The following IL7 variants were observed in gnomAD, a reference collection of about 807,000 sequenced individuals.
The protein encoded by IL7 is interleukin 7, also known as interleukin-7.
In IL7, 3 loss-of-function variants were observed where a neutral mutation model predicts 21.6. The observed-to-expected ratio is 0.14, with a 90% CI of 0.06 to 0.36. IL7 has a LOEUF of 0.36. Ranked by LOEUF, IL7 falls within the 10% of genes least tolerant of loss-of-function variation. The pLI is 1.00. For synonymous variants in IL7, 62 were observed against 68.1 expected (o/e 0.91, Z 0.44); for missense variants, 175 against 200.2 (o/e 0.87, Z 0.76).
downstream of IL7, among the ~76,000 whole-genome samples, chr8:78,675,459 G>A (rs1176755531): frequency 6.6e-6 from 1 of 151,768 alleles, no homozygotes; most frequent in African/African-American, 2.4e-5. Flanking sequence ...TTAAAATGTA[G>A]TAATTTACCA....
intron 4 of IL7, among the ~76,000 whole-genome samples, chr8:78,736,759 G>A (rs1031659309): frequency 1.3e-5 from 2 of 152,124 alleles, no homozygotes; most frequent in South Asian, 4.1e-4. Flanking sequence ...CCATAATTTT[G>A]TAGGTCTGCC....
intron 2 of IL7, among the ~76,000 whole-genome samples, chr8:78,740,673 G>C (rs1307195152): frequency 6.6e-6 from 1 of 152,164 alleles, no homozygotes; most frequent in Non-Finnish European, 1.5e-5. Context: ...TAATTAATTG[G>C]ATGTGCAAGG....
At chr8:78,680,480 T>C (rs1441197285) in intron 4 of IL7, among the ~76,000 whole-genome samples, 1 of 152,064 alleles carries the variant, frequency 6.6e-6, no homozygotes, top group African/African-American at 2.4e-5. Flanking sequence ...AGAACATCCT[T>C]GGGTGAGTCG....
At chr8:78,772,853 AAG>A (rs1813004595) in intron 2 of IL7, among the ~76,000 whole-genome samples, 1 of 152,148 alleles carries the variant, frequency 6.6e-6, no homozygotes, top group African/African-American at 2.4e-5. Flanking sequence ...GGATTAAGTC[AAG>A]AAATAAGTGT....
chr8:78,760,276 T>G (rs201611883), intron 2 of IL7: 4 of 1,606,700 alleles, frequency 2.5e-6, no homozygotes, highest in Non-Finnish European at 3.4e-6. Context: ...GCCAAGTTAC[T>G]TGACCTTTGG....
chr8:78,738,161 T>C (rs901048134), intron 4 of IL7, among the ~76,000 whole-genome samples: 1 of 152,174 alleles, frequency 6.6e-6, no homozygotes, highest in African/African-American at 2.4e-5. Flanking sequence ...CTTGTAAATG[T>C]GTACATATAT....
chr8:78,696,464 C>T (rs375136607), intron 3 of IL7, among the ~76,000 whole-genome samples: 1 of 152,166 alleles, frequency 6.6e-6, no homozygotes, highest in African/African-American at 2.4e-5. Flanking sequence ...AATTCCTGCT[C>T]TGCTGTGAAG....
chr8:78,738,428 G>A (rs929551186), intron 4 of IL7, 76 bp downstream of exon 4: 2 of 1,182,488 alleles, frequency 1.7e-6, no homozygotes, highest in Non-Finnish European at 2.4e-6. Flanking sequence ...TAATGGATGT[G>A]ATCATCAGAG....
intron 2 of IL7, among the ~76,000 whole-genome samples, chr8:78,782,045 T>A (rs1335853218): frequency 6.6e-6 from 1 of 152,228 alleles, no homozygotes; most frequent in Non-Finnish European, 1.5e-5. Flanking sequence ...AGTTCTTGTG[T>A]TGTATTTTTC....
At chr8:78,685,726 T>C (rs1809947246) in intron 4 of IL7, among the ~76,000 whole-genome samples, 2 of 152,184 alleles carry the variant, frequency 1.3e-5, no homozygotes, top group Non-Finnish European at 2.9e-5. Context: ...TGAGGACTAT[T>C]TTTCATATTT....
downstream of IL7, among the ~76,000 whole-genome samples, chr8:78,731,365 A>G (rs1012735618): frequency 6.6e-6 from 1 of 151,938 alleles, no homozygotes; most frequent in African/African-American, 2.4e-5. Flanking sequence ...GGGATTTTTA[A>G]TGTAAAAATG....
chr8:78,749,147 T>C (rs764654642), intron 2 of IL7, among the ~76,000 whole-genome samples: 2 of 152,134 alleles, frequency 1.3e-5, no homozygotes, highest in Non-Finnish European at 2.9e-5. Context: ...CAGAGAACAA[T>C]GAAGACTCCA....
At chr8:78,804,841 C>G in intron 1 of IL7, 72 bp downstream of exon 1, 1 of 1,577,438 alleles carries the variant, frequency 6.3e-7, no homozygotes, top group Non-Finnish European at 8.7e-7. Flanking sequence ...GGAGCAGGGG[C>G]CCCCAGCGCG....
intron 2 of IL7, among the ~76,000 whole-genome samples, chr8:78,741,332 A>G (rs1256411653): frequency 1.3e-5 from 2 of 152,198 alleles, no homozygotes; most frequent in Non-Finnish European, 2.9e-5. Flanking sequence ...TTTAGTGGAT[A>G]ATTAATATTT....
At chr8:78,803,991 G>T (rs1017068885) in intron 1 of IL7, among the ~76,000 whole-genome samples, 2 of 152,088 alleles carry the variant, frequency 1.3e-5, no homozygotes, top group Admixed American at 1.3e-4. Context: ...CTGTCTTCTT[G>T]CTTGAGGAAG....
At chr8:78,737,850 T>C (rs1240802425) in intron 4 of IL7, among the ~76,000 whole-genome samples, 1 of 152,168 alleles carries the variant, frequency 6.6e-6, no homozygotes, top group Non-Finnish European at 1.5e-5. Flanking sequence ...TTGAAAACTT[T>C]TTAGTACTAA....
Position 78,774,753 on chromosome 8 carries a change from A to G in IL7, c.147+23319T>C, listed in dbSNP as rs375662945. On this transcript the variant is annotated intron_variant, in intron 2 of 5. Transcript: ENST00000263851. ...ACATTAGGACATAAAGAACAAACAA[A>G]GAATAAAAATGACTATATTCTTAAA... Among the ~76,000 whole-genome samples, 12 of 152,282 alleles carry G rather than the reference A, an allele frequency of 7.9e-5. No individual in the cohort carries two copies. The East Asian group carries it at 1.5e-3, about 20-fold the overall frequency.
At chr8:78,790,660 G>C (rs1035484343) in intron 2 of IL7, among the ~76,000 whole-genome samples, 3 of 151,986 alleles carry the variant, frequency 2.0e-5, no homozygotes, top group African/African-American at 4.8e-5. Context: ...GGAGTGGAGA[G>C]TTAGAAATCA....
chr8:78,733,710 T>C lies in IL7; in HGVS notation c.*3A>G. 6.3e-7 allele frequency: 1 copy of C among 1,598,928 alleles called. No homozygotes were observed. Among genetic ancestry groups the C allele is most frequent in the East Asian group, 2.3e-5 (1 of 44,062 alleles). On this transcript the variant is annotated 3_prime_UTR_variant, in exon 6 of 6. Transcript: ENST00000263851. ...GTGTTTCTATATTGCCACTCCATAT[T>C]TTTCAGTGTTCTTTAGTGCCCATCA...
Sources: gnomAD v4.1 joint callset for allele counts (sites outside exome capture counted in the v4.1 genomes callset) on GRCh38, gnomAD v4.1.1 for gene constraint, MANE v1.5 for transcripts, NCBI Gene and HGNC (gene_info 2026-07-23, HGNC 2026-07-21) for gene names.